The following RIMBP2 variants were observed in gnomAD, a reference collection of about 807,000 sequenced individuals.
The protein encoded by RIMBP2 is RIMS-binding protein 2.
In RIMBP2, 48 loss-of-function variants were observed where a neutral mutation model predicts 118.6. That is an observed-to-expected ratio of 0.40 (90% CI 0.32 to 0.51). The LOEUF is 0.51. RIMBP2 is among the 20% of genes least tolerant of loss of function. RIMBP2 has a pLI of 0.41. For synonymous variants in RIMBP2, 762 were observed against 742.9 expected, an observed-to-expected ratio of 1.03 and a Z score of -0.42; for missense variants, 1,551 against 1,768.3, an observed-to-expected ratio of 0.88 and a Z score of 2.20.
chr12:130,575,898 C>G (rs1048569604), intron 2 of RIMBP2, among the ~76,000 whole-genome samples: 14 of 152,190 alleles, frequency 9.2e-5, no homozygotes, highest in Admixed American at 7.2e-4. Flanking sequence ...AACTGCACAG[C>G]AAAATGTTCT....
rs1203788818 is a variant in RIMBP2 at position 130,670,552 on chromosome 12, G to C, written c.-351-42096C>G. Among the ~76,000 whole-genome samples, 1 of 152,066 alleles carries C rather than the reference G, an allele frequency of 6.6e-6. No homozygotes were observed. The highest frequency in any genetic ancestry group is 2.4e-5 in the African/African-American group (1 of 41,420). ...CCTTAGCCGACTTTATATATATGGAGGTCTCAACATAAAGTTTACACTTGT... is the reference window on the plus strand; with the variant it reads ...CCTTAGCCGACTTTATATATATGGACGTCTCAACATAAAGTTTACACTTGT... On this transcript the variant is annotated intron_variant, in intron 1 of 22. Transcript: ENST00000690449. The surrounding 1 kb of genome is among the most constrained non-coding windows in gnomAD (Gnocchi z 4.9).
At chr12:130,613,863 G>A (rs1016945900) in intron 2 of RIMBP2, among the ~76,000 whole-genome samples, 8 of 149,782 alleles carry the variant, frequency 5.3e-5, no homozygotes, top group South Asian at 2.1e-4. Flanking sequence ...AGCTCTCATC[G>A]GCCTTTTCCG....
chr12:130,548,531 C>T (rs933593717), intron 2 of RIMBP2, among the ~76,000 whole-genome samples: 1 of 152,134 alleles, frequency 6.6e-6, no homozygotes, highest in Non-Finnish European at 1.5e-5. Flanking sequence ...TCCCAGGAGA[C>T]ATGCTCATCA....
intron 15 of RIMBP2, chr12:130,426,997 G>C (rs753472770): frequency 6.6e-6 from 1 of 152,450 alleles, no homozygotes; most frequent in African/African-American, 2.4e-5. Flanking sequence ...ACCTGGGAGC[G>C]GGGACGGAGG....
In RIMBP2 at chr12:130,685,051, A is replaced by G. The variant is rs578033120; in HGVS notation, c.-352+31171T>C. On this transcript the variant is annotated intron_variant, in intron 1 of 22. Coordinates refer to ENST00000690449, the MANE Select transcript of RIMBP2 (RefSeq NM_001393629.1). ...CATTTAAAACTTACAAGATAAATCC[A>G]GAAACCAAACTTTTTGGATTCTCTT... Among the ~76,000 whole-genome samples the G allele has an allele frequency of 7.2e-5, 11 of 152,336 alleles. No homozygotes were observed. In the South Asian group the frequency reaches 2.3e-3, roughly 32 times the overall value.
chr12:130,615,259 T>TTATGTATAC (rs2060838239), intron 2 of RIMBP2, among the ~76,000 whole-genome samples: 1 of 23,322 alleles, frequency 4.3e-5, no homozygotes, highest in South Asian at 2.3e-3. Context: ...ATTATGTATA[T>TTATGTATAC]ATACATAATA....
rs539563178 is a variant in RIMBP2 at position 130,645,312 on chromosome 12, A to G, written c.-351-16856T>C. Among the ~76,000 whole-genome samples the G allele has an allele frequency of 4.9e-4, 74 of 152,304 alleles. 3 individuals are homozygous for G. In the South Asian group the frequency reaches 0.015, roughly 31 times the overall value. On this transcript the variant is annotated intron_variant, in intron 1 of 22. Coordinates refer to ENST00000690449, the MANE Select transcript of RIMBP2 (RefSeq NM_001393629.1). ...CACCATGCTGGCCAGGCTGCTCTCT[A>G]CAAATCACAGCTTTTACCAGCACAC...
chr12:130,488,322 CG>C (rs1394088628), intron 4 of RIMBP2, among the ~76,000 whole-genome samples: 3 of 12,406 alleles, frequency 2.4e-4, no homozygotes, highest in South Asian at 0.021. Context: ...AAGTGGATGG[CG>C]AAAAAAAAGT....
At chr12:130,514,641 C>A (rs1233245429) in intron 3 of RIMBP2, among the ~76,000 whole-genome samples, 1 of 152,054 alleles carries the variant, frequency 6.6e-6, no homozygotes, top group East Asian at 1.9e-4. Flanking sequence ...GTGCCCAGCT[C>A]CCCACCAGCC....
At chr12:130,540,527 C>T (rs1453697178) in intron 2 of RIMBP2, among the ~76,000 whole-genome samples, 1 of 152,152 alleles carries the variant, frequency 6.6e-6, no homozygotes, top group African/African-American at 2.4e-5. Flanking sequence ...TCAGACCTCC[C>T]AGATAGCATC....
chr12:130,655,302 T>G (rs951020363), intron 1 of RIMBP2, among the ~76,000 whole-genome samples: 7 of 152,240 alleles, frequency 4.6e-5, no homozygotes, highest in Admixed American at 1.3e-4. Context: ...TGAAATTACC[T>G]CGTTATATAC....
chr12:130,504,102 C>T (rs1337053616), intron 4 of RIMBP2, among the ~76,000 whole-genome samples: 3 of 152,148 alleles, frequency 2.0e-5, no homozygotes, highest in Non-Finnish European at 4.4e-5. Context: ...TTTTAGGAAA[C>T]ATTCAGCCCC....
At position 130,431,094 on chromosome 12, in the gene RIMBP2, T is replaced by C. The variant is rs1275635216; in HGVS notation, c.2254-2757A>G. Reference sequence around the variant, plus strand: ...TCATTGTGGACTTAATGAAAATGCTTTTGTAATATTGGGAGAATGGAGGTG... The same window carrying C: ...TCATTGTGGACTTAATGAAAATGCTCTTGTAATATTGGGAGAATGGAGGTG... On this transcript the variant is annotated intron_variant, in intron 14 of 22. Coordinates refer to ENST00000690449, the MANE Select transcript of RIMBP2 (RefSeq NM_001393629.1). The surrounding 1 kb of genome is among the most constrained non-coding windows in gnomAD (Gnocchi z 4.0). Among the ~76,000 whole-genome samples the C allele has an allele frequency of 6.6e-6, 1 of 152,182 alleles. No individual in the cohort carries two copies. The highest frequency in any genetic ancestry group is 1.5e-5 in the Non-Finnish European group (1 of 68,036).
intron 2 of RIMBP2, among the ~76,000 whole-genome samples, chr12:130,530,334 C>A (rs1282277247): frequency 6.6e-6 from 1 of 152,106 alleles, no homozygotes; most frequent in African/African-American, 2.4e-5. Context: ...TAGAACTAAA[C>A]CCCTGCACAA....
intron 7 of RIMBP2, among the ~76,000 whole-genome samples, chr12:130,452,788 C>A (rs904036944): frequency 6.6e-6 from 1 of 152,222 alleles, no homozygotes; most frequent in East Asian, 1.9e-4. Flanking sequence ...GCCCTTCCTG[C>A]CTGACACCGC....
In RIMBP2 at chr12:130,622,301, G is replaced by A. The variant is rs757723841; in HGVS notation, c.-217+6021C>T. Among the ~76,000 whole-genome samples, 10 of 152,090 alleles carry A rather than the reference G, an allele frequency of 6.6e-5. No homozygotes were observed. Among genetic ancestry groups the A allele is most frequent in the African/African-American group, 1.9e-4 (8 of 41,408 alleles). On this transcript the variant is annotated intron_variant, in intron 2 of 22. Transcript: ENST00000690449. The surrounding 1 kb of genome is among the most constrained non-coding windows in gnomAD (Gnocchi z 8.5). ...AGAGTCCCCAAACATCACAAGTTTT[G>A]CCATCTCTGTGCCCACTGTTAACTG...
At chr12:130,692,890 G>GTAGTA (rs1566461580) in intron 1 of RIMBP2, among the ~76,000 whole-genome samples, 1 of 136,836 alleles carries the variant, frequency 7.3e-6, no homozygotes, top group Admixed American at 6.9e-5. Flanking sequence ...GTAGGGTAGG[G>GTAGTA]TAGGATAGGA....
At chr12:130,669,377 C>T (rs909209470) in intron 1 of RIMBP2, 1 of 152,186 alleles carries the variant, frequency 6.6e-6, no homozygotes, top group African/African-American at 2.4e-5. Context: ...TGTGTCTCCA[C>T]CCAAATCTCA....
rs770860122 is a variant in RIMBP2, at chr12:130,422,540, C to G, written c.3151G>C (p.Ala1051Pro). ...GPLILGNPAS[A>P]GRVDHMGRRF... is the part of the protein sequence containing the mutation. ...CGGCCCATGTGATCCACCCGTCCTG[C>G]AGAGGCTGGGTTCCCTAAAATCTAA... is the stretch of plus-strand genomic sequence containing the variant. Residue 1051 changes from alanine to proline, a missense_variant, in exon 17 of 23, where the codon GCA (alanine) becomes CCA (proline). Physicochemically the swap from Ala to Pro is conservative, Grantham distance 27 (BLOSUM62 -1). Coordinates refer to ENST00000690449, the MANE Select transcript of RIMBP2 (RefSeq NM_001393629.1). The surrounding 1 kb of genome is among the most constrained non-coding windows in gnomAD (Gnocchi z 5.2). 6.2e-7 allele frequency: 1 copy of G among 1,610,320 alleles called. No individual in the cohort carries two copies. Among genetic ancestry groups the G allele is most frequent in the Non-Finnish European group, 8.5e-7 (1 of 1,178,316 alleles).
Sources: gnomAD v4.1 joint callset for allele counts (sites outside exome capture counted in the v4.1 genomes callset) on GRCh38, gnomAD v4.1.1 for gene constraint, Gnocchi (gnomAD v3.1) non-coding constraint, MANE v1.5 for transcripts, NCBI Gene and HGNC (gene_info 2026-07-23, HGNC 2026-07-21) for gene names.